Variants in SLC35E2B observed in about 807,000 individuals in gnomAD.
SLC35E2B encodes the protein solute carrier family 35 member E2B, also known as solute carrier family 35, member E2B.
Under a neutral mutation model 32.4 loss-of-function variants are expected in SLC35E2B, and 18 were observed. The ratio of observed to expected loss-of-function variants is 0.56; its 90% CI spans 0.38 to 0.82. The LOEUF (loss-of-function observed/expected upper bound fraction) is 0.82, where lower values mean the gene tolerates loss of function less well. SLC35E2B is among the 40% of genes least tolerant of loss of function. SLC35E2B has a pLI of 0.00. For synonymous variants in SLC35E2B, 132 were observed against 209.1 expected, an observed-to-expected ratio of 0.63 and a Z score of 3.18; for missense variants, 263 against 469.5, an observed-to-expected ratio of 0.56 and a Z score of 4.06.
Position 1,667,956 on chromosome 1 carries a change from G to A in SLC35E2B, c.980+371C>T, listed in dbSNP as rs546786578. Reference sequence around the variant, plus strand: ...TAACCTCCGGCTCCTGGATTCAAGTGATTCTCCTGCCTCAGCCTCCCGAGT... The same window carrying A: ...TAACCTCCGGCTCCTGGATTCAAGTAATTCTCCTGCCTCAGCCTCCCGAGT... On this transcript the variant is annotated intron_variant, in intron 9 of 9. Coordinates refer to ENST00000617444, the MANE Select transcript of SLC35E2B (RefSeq NM_001290264.2). Among the ~76,000 whole-genome samples, 5 of 151,502 alleles carry A rather than the reference G, an allele frequency of 3.3e-5. No homozygotes were observed. The South Asian group carries it at 1.0e-3, about 32-fold the overall frequency.
At chr1:1,669,531 C>A in intron 8 of SLC35E2B, 133 bp downstream of exon 8, 1 of 855,612 alleles carries the variant, frequency 1.2e-6, no homozygotes. Context: ...GGCAACTCAG[C>A]TAAGCAGGAC....
At chr1:1,686,119 C>T (rs1317774096) in intron 2 of SLC35E2B, among the ~76,000 whole-genome samples, 2 of 152,154 alleles carry the variant, frequency 1.3e-5, no homozygotes, top group African/African-American at 2.4e-5. Flanking sequence ...ATTCTCCTGC[C>T]TCAGCCTCCC....
At chr1:1,669,078 C>T (rs1643618514) in intron 8 of SLC35E2B, among the ~76,000 whole-genome samples, 1 of 152,092 alleles carries the variant, frequency 6.6e-6, no homozygotes, top group South Asian at 2.1e-4. Flanking sequence ...ACTGATGGCC[C>T]TGGCCGGCAA....
intron 2 of SLC35E2B, among the ~76,000 whole-genome samples, chr1:1,687,336 G>A (rs1364127666): frequency 1.3e-5 from 2 of 152,202 alleles, no homozygotes; most frequent in Non-Finnish European, 2.9e-5. Flanking sequence ...TAGCACTTTG[G>A]GAGGCTGAGG....
rs201505712 is a variant in SLC35E2B at position 1,690,299 on chromosome 1, CAA to C, written c.-148+675_-148+676del. On this transcript the variant is annotated intron_variant, in intron 2 of 9. Transcript: ENST00000617444. ...CTGTCTCAAAAAAAAAAAAAAGAAA[CAA>C]AAAAAAATATATATATATATATACA... Among the ~76,000 whole-genome samples, 38 of 87,904 alleles carry C rather than the reference CAA, an allele frequency of 4.3e-4. 1 individual carries two copies. The highest frequency in any genetic ancestry group is 2.1e-3 in the Admixed American group (18 of 8,524). 57.7% of individuals were successfully genotyped at this position (87,904 alleles called of 152,430 possible).
chr1:1,690,065 T>G (rs1266853381), intron 2 of SLC35E2B, among the ~76,000 whole-genome samples: 2 of 150,110 alleles, frequency 1.3e-5, no homozygotes, highest in Non-Finnish European at 3.0e-5. Context: ...GTGGATCACC[T>G]GAGGTTGGGA....
intron 2 of SLC35E2B, among the ~76,000 whole-genome samples, chr1:1,679,353 C>T (rs938878032): frequency 2.0e-5 from 3 of 152,268 alleles, no homozygotes; most frequent in African/African-American, 4.8e-5. Flanking sequence ...GCATCCCAGG[C>T]AAAACTGCTC....
chr1:1,672,481 C>CCGT (rs896195783), intron 5 of SLC35E2B: 1 of 152,234 alleles, frequency 6.6e-6, no homozygotes, highest in African/African-American at 2.4e-5. Context: ...CTCTCGTCTG[C>CCGT]CGTCACCTGG....
chr1:1,685,392 G>A (rs1457947991), intron 2 of SLC35E2B, among the ~76,000 whole-genome samples: 1 of 132,982 alleles, frequency 7.5e-6, no homozygotes, highest in Non-Finnish European at 1.5e-5. Context: ...CAGCCTGGGC[G>A]ACACAGTGAA....
chr1:1,674,254 G>C lies in SLC35E2B; in HGVS notation c.586+1209C>G, dbSNP rs533671656. 2.6e-3 allele frequency: 405 copies of C among 157,590 alleles called. 2 individuals carry two copies. Among genetic ancestry groups the C allele is most frequent in the South Asian group, 6.4e-3 (34 of 5,346 alleles). The allele number at this position is 157,590 out of a possible 1,614,324, so 9.8% of individuals were successfully genotyped here. A position where few individuals can be genotyped will look rare whatever the true frequency, so the allele number is the denominator to read the frequency against. On this transcript the variant is annotated intron_variant, in intron 5 of 9. Transcript: ENST00000617444. ...AGGTGAAATTGTGGGCAGGAGAATC[G>C]GCGTGAAATGGACACAGCAGCTCAC...
chr1:1,675,350 A>G (rs1215599741), intron 5 of SLC35E2B, 113 bp downstream of exon 5: 1 of 696,974 alleles, frequency 1.4e-6, no homozygotes, highest in Non-Finnish European at 2.4e-6. Flanking sequence ...TGTGGGCACC[A>G]CTCTGAGTGG....
At chr1:1,677,643 A>G (rs760489359) in intron 2 of SLC35E2B, among the ~76,000 whole-genome samples, 7 of 150,512 alleles carry the variant, frequency 4.7e-5, no homozygotes, top group Non-Finnish European at 1.0e-4. Flanking sequence ...ACGTCCGGCT[A>G]ATTTTTTGTA....
chr1:1,673,951 A>C (rs1216428840), intron 5 of SLC35E2B: 1 of 151,236 alleles, frequency 6.6e-6, no homozygotes, highest in Non-Finnish European at 1.5e-5. Flanking sequence ...CGAGAGAGCA[A>C]GACTCCTCTC....
At chr1:1,680,420 C>A (rs971685428) in intron 2 of SLC35E2B, among the ~76,000 whole-genome samples, 1 of 152,212 alleles carries the variant, frequency 6.6e-6, no homozygotes, top group Non-Finnish European at 1.5e-5. Flanking sequence ...CACTGCACAG[C>A]AGCCCACTGG....
intron 6 of SLC35E2B, chr1:1,670,471 G>A: frequency 4.5e-6 from 1 of 221,238 alleles, no homozygotes; most frequent in Non-Finnish European, 9.0e-6. Context: ...GCCCAGGCTG[G>A]AGTGCAGTGG....
intron 6 of SLC35E2B, chr1:1,670,369 G>A (rs1293643854): frequency 5.3e-5 from 25 of 471,544 alleles, no homozygotes; most frequent in South Asian, 1.8e-4. Context: ...TGATCCACCC[G>A]CCTCAGCCTC....
chr1:1,665,582 T>C lies in SLC35E2B; in HGVS notation c.*200A>G. On this transcript the variant is annotated 3_prime_UTR_variant, in exon 10 of 10. Transcript: ENST00000617444. ...GACACAGTCAGCTACTGGTCTGGTC[T>C]CTACTCCAGGAAGCTGATACCTGGA... 1.3e-6 allele frequency: 1 copy of C among 795,744 alleles called. No homozygotes were observed. The highest frequency in any genetic ancestry group is 1.9e-6 in the Non-Finnish European group (1 of 515,870). 49.3% of individuals were successfully genotyped at this position (795,744 alleles called of 1,614,324 possible). A position where few individuals can be genotyped will look rare whatever the true frequency, so the allele number is the denominator to read the frequency against.
In SLC35E2B at chr1:1,665,401, G is replaced by A. The variant is rs1643515063; in HGVS notation, c.*381C>T. ...TTCGATGGCTGGTGTGGGAAGCCGA[G>A]GGCTCTCTTGGCTGTGGCAGGGAGC... On this transcript the variant is annotated 3_prime_UTR_variant, in exon 10 of 10. Transcript: ENST00000617444. 2 of 446,564 alleles carry A rather than the reference G, an allele frequency of 4.5e-6. No individual in the cohort carries two copies. Among genetic ancestry groups the A allele is most frequent in the East Asian group, 6.7e-5 (2 of 29,730 alleles). The allele number at this position is 446,564 out of a possible 1,614,324, so 27.7% of individuals were successfully genotyped here. A position where few individuals can be genotyped will look rare whatever the true frequency, so the allele number is the denominator to read the frequency against.
rs1173989766 is a variant in SLC35E2B at position 1,670,113 on chromosome 1, T to G, written c.746A>C (p.Asp249Ala). ...NVFSKKLLSG[D>A]KYRFSAPELQ... ...TAATACTTACGAGAACCTGTATTTG[T>G]CCCCGCTGAGCAGCTTTTTTGAAAA... The change falls in exon 7 of 10, where the codon GAC (aspartate) becomes GCC (alanine). Residue 249 changes from aspartate to alanine, a missense_variant. Asp to Ala is a moderately radical substitution (Grantham distance 126, BLOSUM62 -2). Coordinates refer to ENST00000617444, the MANE Select transcript of SLC35E2B (RefSeq NM_001290264.2). The G allele has an allele frequency of 2.6e-6, 4 of 1,551,664 alleles. No individual in the cohort carries two copies. Among genetic ancestry groups the G allele is most frequent in the Non-Finnish European group, 3.5e-6 (4 of 1,146,718 alleles).
Sources: allele counts gnomAD v4.1 joint callset (sites outside exome capture counted in the v4.1 genomes callset), GRCh38; gene constraint gnomAD v4.1.1; transcripts MANE v1.5; gene names NCBI Gene and HGNC (gene_info 2026-07-23, HGNC 2026-07-21).